Variants in ANKS1B observed in about 807,000 individuals in gnomAD.
ANKS1B encodes the protein ankyrin repeat and sterile alpha motif domain-containing protein 1B.
Under a neutral mutation model 148.3 loss-of-function variants are expected in ANKS1B, and 36 were observed. That is an observed-to-expected ratio of 0.24 (90% CI 0.19 to 0.32). The LOEUF (loss-of-function observed/expected upper bound fraction) is 0.32, where lower values mean the gene tolerates loss of function less well. ANKS1B is among the 10% of genes least tolerant of loss of function. The pLI is 1.00. For missense variants in ANKS1B, 1,157 were observed against 1,542.6 expected (o/e 0.75, Z 4.19); for synonymous variants, 542 against 560.8 (o/e 0.97, Z 0.47).
At chr12:99,580,780 G>A (rs2097562964) in intron 9 of ANKS1B, among the ~76,000 whole-genome samples, 1 of 152,106 alleles carries the variant, frequency 6.6e-6, no homozygotes, top group African/African-American at 2.4e-5. Context: ...ATCAATATTT[G>A]AGGTAATGAA....
intron 17 of ANKS1B, among the ~76,000 whole-genome samples, chr12:98,955,466 T>C (rs1166141112): frequency 6.6e-6 from 1 of 152,058 alleles, no homozygotes; most frequent in Non-Finnish European, 1.5e-5. Context: ...TCTCTCTGGC[T>C]GCAATATTGA....
chr12:98,942,022 T>C (rs1398359132), intron 17 of ANKS1B, among the ~76,000 whole-genome samples: 1 of 152,074 alleles, frequency 6.6e-6, no homozygotes, highest in Non-Finnish European at 1.5e-5. Flanking sequence ...GCGGGTAGAT[T>C]GCAAGGTCAA....
intron 14 of ANKS1B, among the ~76,000 whole-genome samples, chr12:99,168,526 A>T (rs184635742): frequency 1.2e-4 from 18 of 152,090 alleles, no homozygotes; most frequent in Admixed American, 1.3e-4. Context: ...TCTCAAAAAA[A>T]AAAAAAAGGA....
intron 1 of ANKS1B, among the ~76,000 whole-genome samples, chr12:99,971,115 A>C (rs1157146491): frequency 6.6e-6 from 1 of 152,224 alleles, no homozygotes; most frequent in Non-Finnish European, 1.5e-5. Context: ...TGGCTCAATG[A>C]TTAATGAGCT....
chr12:99,369,559 G>A (rs916648107), intron 12 of ANKS1B, among the ~76,000 whole-genome samples: 1 of 152,114 alleles, frequency 6.6e-6, no homozygotes, highest in African/African-American at 2.4e-5. Flanking sequence ...GAAATAGGCT[G>A]ATTAGATATC....
chr12:99,029,294 A>G (rs940687758), intron 17 of ANKS1B, among the ~76,000 whole-genome samples: 5 of 152,192 alleles, frequency 3.3e-5, no homozygotes, highest in African/African-American at 1.2e-4. Flanking sequence ...AGATTTTACA[A>G]AACAGAGATC....
intron 8 of ANKS1B, among the ~76,000 whole-genome samples, chr12:99,729,488 T>C (rs1336239690): frequency 1.3e-5 from 2 of 152,176 alleles, no homozygotes; most frequent in African/African-American, 4.8e-5. Flanking sequence ...GAATTTCTAT[T>C]TGATTTTTTT....
intron 14 of ANKS1B, among the ~76,000 whole-genome samples, chr12:99,217,879 GAATA>G (rs770344023): frequency 5.3e-5 from 8 of 152,116 alleles, no homozygotes; most frequent in East Asian, 1.9e-4. Flanking sequence ...GGCTCAGAGT[GAATA>G]AGTGTCTTGT....
At chr12:99,809,620 A>G (rs537748861) in intron 3 of ANKS1B, among the ~76,000 whole-genome samples, 1 of 152,072 alleles carries the variant, frequency 6.6e-6, no homozygotes, top group African/African-American at 2.4e-5. Flanking sequence ...CTCCAAACCT[A>G]TCTTATCTGT....
chr12:98,805,522 A>G (rs979025755), intron 20 of ANKS1B, among the ~76,000 whole-genome samples: 4 of 152,214 alleles, frequency 2.6e-5, no homozygotes, highest in Admixed American at 6.5e-5. Flanking sequence ...AAGGACTATA[A>G]TTGGGCCACA....
intron 1 of ANKS1B, among the ~76,000 whole-genome samples, chr12:99,965,183 T>G (rs2095470066): frequency 1.3e-5 from 2 of 152,138 alleles, no homozygotes; most frequent in South Asian, 4.1e-4. Context: ...GAGAAAAGGT[T>G]GATTCCAGGG....
chr12:99,928,274 T>TTA (rs1555250621), intron 1 of ANKS1B, among the ~76,000 whole-genome samples: 8,409 of 81,534 alleles, frequency 0.1, 259 homozygotes, highest in Non-Finnish European at 0.14. Flanking sequence ...TTATTTTATT[T>TTA]TTTTTTTTTT....
chr12:99,320,998 C>T (rs1042148544), intron 12 of ANKS1B, among the ~76,000 whole-genome samples: 2 of 152,190 alleles, frequency 1.3e-5, no homozygotes, highest in African/African-American at 4.8e-5. Flanking sequence ...TGAGTATCCC[C>T]AGCGGAGGCT....
chr12:98,905,495 C>T (rs535489263), intron 17 of ANKS1B, among the ~76,000 whole-genome samples: 4 of 152,088 alleles, frequency 2.6e-5, no homozygotes, highest in Non-Finnish European at 5.9e-5. Context: ...CAGGGCTGGG[C>T]GCAAAGGCTC....
At chr12:99,475,531 G>C (rs1042250772) in intron 10 of ANKS1B, among the ~76,000 whole-genome samples, 13 of 151,050 alleles carry the variant, frequency 8.6e-5, no homozygotes, top group African/African-American at 3.2e-4. Context: ...ATAAATCTAG[G>C]ACAATATAAA....
At chr12:99,078,966 G>C (rs1233829446) in intron 16 of ANKS1B, among the ~76,000 whole-genome samples, 1 of 152,188 alleles carries the variant, frequency 6.6e-6, no homozygotes, top group Non-Finnish European at 1.5e-5. Flanking sequence ...GAAGCTAGCT[G>C]CATGTTGTGA....
At position 99,895,988 on chromosome 12, in the gene ANKS1B, T is replaced by C. The variant is rs1166889747; in HGVS notation, c.135-70599A>G. 2.0e-5 allele frequency among the ~76,000 whole-genome samples: 3 copies of C among 151,314 alleles called. 1 individual carries two copies. Among genetic ancestry groups the C allele is most frequent in the Non-Finnish European group, 4.4e-5 (3 of 67,610 alleles). On this transcript the variant is annotated intron_variant, in intron 1 of 26. Coordinates refer to ENST00000683438, the MANE Select transcript of ANKS1B (RefSeq NM_001352186.2). ...TTTTTAATTGTATCTCTTTAAGGTA[T>C]ATAACATGATGTTTTGATATATATA...
chr12:99,856,793 T>C (rs1279986521), intron 1 of ANKS1B, among the ~76,000 whole-genome samples: 1 of 152,108 alleles, frequency 6.6e-6, no homozygotes, highest in African/African-American at 2.4e-5. Context: ...CACATGATCA[T>C]CTCAATAGAC....
chr12:98,771,713 A>C (rs2098581642), intron 25 of ANKS1B, among the ~76,000 whole-genome samples: 1 of 152,112 alleles, frequency 6.6e-6, no homozygotes, highest in Non-Finnish European at 1.5e-5. Flanking sequence ...TCCTGAGCTC[A>C]AGTGATCTGC....
Sources: gnomAD v4.1 joint callset for allele counts (sites outside exome capture counted in the v4.1 genomes callset) on GRCh38, gnomAD v4.1.1 for gene constraint, MANE v1.5 for transcripts, NCBI Gene and HGNC (gene_info 2026-07-23, HGNC 2026-07-21) for gene names.